PPM1H: variants seen among roughly 807,000 people sequenced by gnomAD.
PPM1H encodes the protein protein phosphatase 1H.
PPM1H carries 27 observed loss-of-function variants against 54.9 expected under a neutral mutation model. That is an observed-to-expected ratio of 0.49 (90% CI 0.36 to 0.68). PPM1H has a LOEUF of 0.68. PPM1H is among the 30% of genes least tolerant of loss of function. The probability of loss-of-function intolerance (pLI) is 0.00; values close to 1 mark genes in which losing one functional copy is unlikely to be tolerated. For missense variants in PPM1H, 596 were observed against 667.8 expected (o/e 0.89, Z 1.19); for synonymous variants, 305 against 270.8 (o/e 1.13, Z -1.24).
intron 4 of PPM1H, among the ~76,000 whole-genome samples, chr12:62,743,980 TG>T: frequency 6.6e-6 from 1 of 152,200 alleles, no homozygotes; most frequent in East Asian, 1.9e-4. Context: ...ACATATCCAA[TG>T]GTTCAGTCAT....
chr12:62,787,339 G>A (rs2076678346), intron 4 of PPM1H, among the ~76,000 whole-genome samples: 1 of 152,168 alleles, frequency 6.6e-6, no homozygotes, highest in Non-Finnish European at 1.5e-5. Context: ...CCTTCGGGGG[G>A]AAGAGTCCTG....
chr12:62,932,885 T>G (rs558998670), intron 1 of PPM1H, among the ~76,000 whole-genome samples: 2 of 152,196 alleles, frequency 1.3e-5, no homozygotes, highest in South Asian at 4.2e-4. Flanking sequence ...TCCGCCCGCC[T>G]CGGCCTCCCA....
At chr12:62,737,367 T>C in intron 5 of PPM1H, 135 bp downstream of exon 5, 1 of 507,642 alleles carries the variant, frequency 2.0e-6, no homozygotes, top group Non-Finnish European at 3.5e-6. Context: ...AGAAGGTGTG[T>C]GTGGGGGAGT....
intron 4 of PPM1H, among the ~76,000 whole-genome samples, chr12:62,742,212 A>G (rs2120542130): frequency 6.6e-6 from 1 of 152,330 alleles, no homozygotes; most frequent in East Asian, 1.9e-4. Flanking sequence ...TACTTTCTTA[A>G]ATAGATAATT....
At chr12:62,786,384 T>C (rs1227961289) in intron 4 of PPM1H, among the ~76,000 whole-genome samples, 1 of 152,244 alleles carries the variant, frequency 6.6e-6, no homozygotes, top group Non-Finnish European at 1.5e-5. Flanking sequence ...TCTGTCCCCA[T>C]CCTGGAGGTA....
Position 62,671,642 on chromosome 12 carries a change from T to C in PPM1H, c.1246-4313A>G, listed in dbSNP as rs79544748. Among the ~76,000 whole-genome samples the C allele has an allele frequency of 7.8e-3, 1,189 of 152,222 alleles. 16 individuals carry two copies. Among genetic ancestry groups the C allele is most frequent in the African/African-American group, 0.027 (1,110 of 41,532 alleles). On this transcript the variant is annotated intron_variant, in intron 8 of 9. Coordinates refer to ENST00000228705, the MANE Select transcript of PPM1H (RefSeq NM_020700.2). ...AAATCCAGCATGGTAAGGAGAACAA[T>C]AGAGTCATTTTAGAAGATGAGGTCA...
chr12:62,667,552 C>G (rs767429729), intron 8 of PPM1H, among the ~76,000 whole-genome samples: 7 of 152,118 alleles, frequency 4.6e-5, no homozygotes, highest in Non-Finnish European at 1.0e-4. Flanking sequence ...TGTGAATGAG[C>G]CTAAGCGGTG....
intron 9 of PPM1H, among the ~76,000 whole-genome samples, chr12:62,658,640 G>C (rs893156883): frequency 1.3e-5 from 2 of 152,104 alleles, no homozygotes; most frequent in Non-Finnish European, 2.9e-5. Context: ...AGAGGACTGT[G>C]CAGCCCAACC....
At chr12:62,724,682 T>C (rs1728299582) in intron 5 of PPM1H, among the ~76,000 whole-genome samples, 1 of 152,184 alleles carries the variant, frequency 6.6e-6, no homozygotes, top group African/African-American at 2.4e-5. Context: ...ATCAAACATA[T>C]ATGCCATTAG....
chr12:62,694,062 C>T, intron 6 of PPM1H, 63 bp from the exon 7 acceptor site: 1 of 1,412,850 alleles, frequency 7.1e-7, no homozygotes, highest in Non-Finnish European at 9.8e-7. Context: ...GCTGCCCTGA[C>T]ACCGACTGCT....
At chr12:62,840,925 A>G (rs1868721324) in intron 1 of PPM1H, among the ~76,000 whole-genome samples, 1 of 152,154 alleles carries the variant, frequency 6.6e-6, no homozygotes, top group Admixed American at 6.5e-5. Flanking sequence ...GTCTCTTACA[A>G]TAGTCCTAGT....
At chr12:62,734,819 G>T (rs1392578873) in intron 5 of PPM1H, among the ~76,000 whole-genome samples, 1 of 152,168 alleles carries the variant, frequency 6.6e-6, no homozygotes, top group African/African-American at 2.4e-5. Context: ...GAGGTGAGAG[G>T]ATTGCTTGAG....
Position 62,740,923 on chromosome 12 carries a change from C to T in PPM1H, c.870-3337G>A, listed in dbSNP as rs1306844584. On this transcript the variant is annotated intron_variant, in intron 4 of 9. Transcript: ENST00000228705. ...TAATATCTGCTGCATGGATAAATAG[C>T]TCCAACAACGACATATGCTGGTGAG... Among the ~76,000 whole-genome samples the T allele has an allele frequency of 3.3e-5, 5 of 152,216 alleles. No homozygotes were observed. The East Asian group carries it at 5.8e-4, about 18-fold the overall frequency.
chr12:62,832,250 T>C lies in PPM1H; in HGVS notation c.275A>G (p.Asn92Ser), dbSNP rs1868376106. 1.2e-6 allele frequency: 2 copies of C among 1,613,068 alleles called. No individual in the cohort carries two copies. Among genetic ancestry groups the C allele is most frequent in the Non-Finnish European group, 1.7e-6 (2 of 1,179,510 alleles). ...EVINAGKSTH[N>S]EDQASCEVLT... ...CACCTCACAGCTGGCTTGGTCTTCATTGTGTGTGCTCTTCCCGGCATTGAT... is the reference window on the plus strand; with the variant it reads ...CACCTCACAGCTGGCTTGGTCTTCACTGTGTGTGCTCTTCCCGGCATTGAT... Residue 92 changes from asparagine (N) to serine (S), a missense_variant, in exon 2 of 10, where the codon AAT becomes AGT. Physicochemically the swap from Asn to Ser is conservative, Grantham distance 46. Around this residue, in one of 3 missense-constraint regions of PPM1H, gnomAD observed 382 missense variants for 387.1 expected, o/e 0.99. Coordinates refer to ENST00000228705, the MANE Select transcript of PPM1H (RefSeq NM_020700.2).
At chr12:62,690,972 A>G (rs2076079366) in intron 7 of PPM1H, among the ~76,000 whole-genome samples, 1 of 152,200 alleles carries the variant, frequency 6.6e-6, no homozygotes, top group Non-Finnish European at 1.5e-5. Flanking sequence ...CTCAGTCTCA[A>G]ACCAACAAAC....
intron 4 of PPM1H, among the ~76,000 whole-genome samples, chr12:62,787,759 A>G (rs577104102): frequency 1.3e-5 from 2 of 152,352 alleles, no homozygotes; most frequent in African/African-American, 4.8e-5. Flanking sequence ...AATTTCCTTC[A>G]GTTGAACCCG....
intron 4 of PPM1H, among the ~76,000 whole-genome samples, chr12:62,744,879 A>T (rs2076401840): frequency 6.6e-6 from 1 of 152,122 alleles, no homozygotes; most frequent in Non-Finnish European, 1.5e-5. Flanking sequence ...CCCTGGCCCT[A>T]CAACCCTCGG....
At chr12:62,785,844 C>T (rs1422467770) in intron 4 of PPM1H, among the ~76,000 whole-genome samples, 1 of 138,156 alleles carries the variant, frequency 7.2e-6, no homozygotes, top group Non-Finnish European at 1.5e-5. Flanking sequence ...TTGAAGGAAA[C>T]TACGTTTAAA....
chr12:62,763,153 G>A (rs1250397088), intron 4 of PPM1H, among the ~76,000 whole-genome samples: 2 of 152,156 alleles, frequency 1.3e-5, no homozygotes, highest in Non-Finnish European at 2.9e-5. Flanking sequence ...CAAGCAAATG[G>A]TCTTTTCAGG....
Sources: gnomAD v4.1 joint callset for allele counts (sites outside exome capture counted in the v4.1 genomes callset) on GRCh38, gnomAD v4.1.1 for gene constraint, gnomAD v4.1.1 regional missense constraint, MANE v1.5 for transcripts, NCBI Gene and HGNC (gene_info 2026-07-23, HGNC 2026-07-21) for gene names.